The following CAST variants were observed in gnomAD, a reference collection of about 807,000 sequenced individuals.
CAST encodes the protein MIR583 host.
A neutral mutation model predicts 119.6 loss-of-function variants in CAST; 76 were observed. The observed-to-expected ratio is 0.64, with a 90% CI of 0.53 to 0.77. The LOEUF (loss-of-function observed/expected upper bound fraction) is 0.77, where lower values mean the gene tolerates loss of function less well. CAST is among the 30% of genes least tolerant of loss of function. CAST has a pLI of 0.00. For missense variants in CAST, 953 were observed against 946.5 expected (o/e 1.01, Z -0.09); for synonymous variants, 319 against 331.6 (o/e 0.96, Z 0.41).
chr5:96,006,990 C>T, the CAST span, among the ~76,000 whole-genome samples: 7 of 152,062 alleles, frequency 4.6e-5, no homozygotes, highest in Non-Finnish European at 1.0e-4. Flanking sequence ...GGCATAATAA[C>T]CTATAATTTT....
the CAST span, among the ~76,000 whole-genome samples, chr5:96,019,556 A>C: frequency 6.6e-6 from 1 of 152,148 alleles, no homozygotes; most frequent in African/African-American, 2.4e-5. Flanking sequence ...TGACAAAATG[A>C]CTGAAACTAT....
In CAST at chr5:96,747,469, C is replaced by A. The variant is rs562084110; in HGVS notation, c.1332+77C>A. On this transcript the variant is annotated intron_variant, in intron 18 of 31. Transcript: ENST00000675179. The stretch of plus-strand genomic sequence containing the variant: ...TATGAATTAAGATAATTTTGACAGT[C>A]TGGAATTCACTGTGCAGACTTGCAT... 634 of 952,012 alleles carry A rather than the reference C, an allele frequency of 6.7e-4. 2 individuals are homozygous for A. The highest frequency in any genetic ancestry group is 5.3e-3 in the Middle Eastern group (23 of 4,344). 59.0% of individuals were successfully genotyped at this position (952,012 alleles called of 1,614,324 possible).
At chr5:96,633,463 C>A (rs953445240) in intron 1 of CAST, among the ~76,000 whole-genome samples, 1 of 151,950 alleles carries the variant, frequency 6.6e-6, no homozygotes, top group Non-Finnish European at 1.5e-5. Context: ...TTTTTTAATT[C>A]TTTTGATGCC....
At chr5:96,582,690 A>T (rs1229637307) in intron 1 of CAST, among the ~76,000 whole-genome samples, 3 of 152,198 alleles carry the variant, frequency 2.0e-5, no homozygotes, top group African/African-American at 7.2e-5. Context: ...ACCCTCCCTC[A>T]GAGTTGTTTC....
the CAST span, among the ~76,000 whole-genome samples, chr5:96,000,850 T>A: frequency 5.3e-5 from 8 of 152,236 alleles, no homozygotes; most frequent in African/African-American, 1.9e-4. Context: ...CTAATAATTA[T>A]CTTTTTGTAA....
At chr5:96,510,074 G>A in the CAST span, among the ~76,000 whole-genome samples, 1 of 152,134 alleles carries the variant, frequency 6.6e-6, no homozygotes, top group Non-Finnish European at 1.5e-5. Context: ...TTTTAACCCA[G>A]CTGTACACAT....
chr5:96,625,012 AG>A (rs1241758931), intron 1 of CAST, among the ~76,000 whole-genome samples: 1 of 152,236 alleles, frequency 6.6e-6, no homozygotes, highest in Non-Finnish European at 1.5e-5. Context: ...TAAGTAAGAA[AG>A]GTTAATTCCC....
the CAST span, among the ~76,000 whole-genome samples, chr5:96,188,797 G>T: frequency 6.6e-6 from 1 of 152,134 alleles, no homozygotes; most frequent in Non-Finnish European, 1.5e-5. Flanking sequence ...GAAGGTGCTA[G>T]ATTATACTTT....
the CAST span, among the ~76,000 whole-genome samples, chr5:96,477,535 C>T: frequency 2.0e-4 from 31 of 152,292 alleles, no homozygotes; most frequent in African/African-American, 7.5e-4. Flanking sequence ...CCACAGTCAC[C>T]ATGGTATTTT....
At chr5:96,090,877 A>C in the CAST span, among the ~76,000 whole-genome samples, 11 of 151,918 alleles carry the variant, frequency 7.2e-5, no homozygotes, top group Admixed American at 1.3e-4. Context: ...GATGCTGCCG[A>C]AGCTTGAGGC....
chr5:96,539,609 A>C (rs1387579988), intron 1 of CAST, among the ~76,000 whole-genome samples: 1 of 152,166 alleles, frequency 6.6e-6, no homozygotes, highest in Non-Finnish European at 1.5e-5. Flanking sequence ...AGTATCACAC[A>C]GAACAGTTTC....
chr5:96,443,031 C>G, the CAST span, among the ~76,000 whole-genome samples: 2 of 151,986 alleles, frequency 1.3e-5, no homozygotes, highest in Admixed American at 6.5e-5. Context: ...TAGGGTAGCT[C>G]TATTATTATC....
the CAST span, among the ~76,000 whole-genome samples, chr5:96,325,740 G>A: frequency 2.0e-5 from 3 of 152,010 alleles, no homozygotes; most frequent in Non-Finnish European, 4.4e-5. Flanking sequence ...TTGGCTTCCC[G>A]AGGTGCTCGG....
the CAST span, chr5:95,980,400 G>C: frequency 6.6e-6 from 1 of 152,100 alleles, no homozygotes; most frequent in Non-Finnish European, 1.5e-5. Context: ...GTACCCATTA[G>C]AGTTCACCAC....
At chr5:95,981,730 C>T in the CAST span, among the ~76,000 whole-genome samples, 6,466 of 152,242 alleles carry the variant, frequency 0.042, 232 homozygotes, top group African/African-American at 0.087. Context: ...AAAAAATTAG[C>T]TGGGCATGGT....
chr5:96,403,082 G>A, the CAST span, among the ~76,000 whole-genome samples: 1 of 152,244 alleles, frequency 6.6e-6, no homozygotes, highest in Non-Finnish European at 1.5e-5. Context: ...GTACTGAGGA[G>A]GCTTAAGGCA....
chr5:96,540,805 G>C (rs767897023), intron 1 of CAST, among the ~76,000 whole-genome samples: 3 of 152,136 alleles, frequency 2.0e-5, no homozygotes, highest in Non-Finnish European at 4.4e-5. Context: ...GATGTAGGAT[G>C]CTCCTCTATT....
the CAST span, among the ~76,000 whole-genome samples, chr5:96,471,804 C>T: frequency 5.8e-3 from 296 of 51,268 alleles, 1 homozygote; most frequent in Non-Finnish European, 9.1e-3. Context: ...GTGTGATTTG[C>T]ATATGCGTAT....
At chr5:96,557,975 T>A (rs1267977156) in intron 1 of CAST, among the ~76,000 whole-genome samples, 1 of 152,072 alleles carries the variant, frequency 6.6e-6, no homozygotes, top group African/African-American at 2.4e-5. Flanking sequence ...CCTCAGCAAA[T>A]GTAAAAGAAC....
Sources: allele counts gnomAD v4.1 joint callset (sites outside exome capture counted in the v4.1 genomes callset), GRCh38; gene constraint gnomAD v4.1.1; transcripts MANE v1.5; gene names NCBI Gene and HGNC (gene_info 2026-07-23, HGNC 2026-07-21).